MPP2: variants seen among roughly 807,000 people sequenced by gnomAD.
The protein encoded by MPP2 is MAGUK p55 subfamily member 2.
Under a neutral mutation model 58.5 loss-of-function variants are expected in MPP2, and 42 were observed. The ratio of observed to expected loss-of-function variants is 0.72; its 90% confidence interval spans 0.56 to 0.93. MPP2 has a LOEUF of 0.93. MPP2 is among the 40% of genes least tolerant of loss of function. The probability of loss-of-function intolerance (pLI) is 0.00; values close to 1 mark genes in which losing one functional copy is unlikely to be tolerated. For synonymous variants in MPP2, 300 were observed against 307.8 expected (o/e 0.97, Z 0.26); for missense variants, 632 against 760.4 (o/e 0.83, Z 1.99).
chr17:43,900,613 C>T (rs1366710655), intron 2 of MPP2: 5 of 1,477,972 alleles, frequency 3.4e-6, no homozygotes, highest in Non-Finnish European at 4.5e-6. Flanking sequence ...ACCGCCTCCC[C>T]AGCCAAAGCC....
At chr17:43,898,153 T>A in intron 3 of MPP2, 109 bp downstream of exon 3, 1 of 856,028 alleles carries the variant, frequency 1.2e-6, no homozygotes, top group African/African-American at 1.7e-5. Flanking sequence ...CAGGGGGGCC[T>A]CTTGTGCCAC....
At chr17:43,899,476 G>A (rs1389725511) in intron 2 of MPP2, among the ~76,000 whole-genome samples, 2 of 152,226 alleles carry the variant, frequency 1.3e-5, no homozygotes, top group East Asian at 3.9e-4. Flanking sequence ...CATTGTACAA[G>A]TCACTGTCCC....
chr17:43,881,496 G>A lies in MPP2; in HGVS notation c.775C>T (p.Leu259Phe), dbSNP rs1455037740. ...AGLRFNAGDL[L>F]QIVNQDDANW... ...GCATCATCCTGGTTTACGATCTGGA[G>A]CAAGTCCCCGGCGTTGAAGCGCAGG... The change falls in exon 7 of 13, where the codon CTC becomes TTC. Residue 259 changes from leucine to phenylalanine, a missense_variant. Physicochemically the swap from Leu to Phe is conservative, Grantham distance 22. Transcript: ENST00000269095. 6.2e-7 allele frequency: 1 copy of A among 1,614,040 alleles called. No homozygotes were observed. The highest frequency in any genetic ancestry group is 8.5e-7 in the Non-Finnish European group (1 of 1,180,024).
At chr17:43,888,034 T>C (rs928549374) in intron 3 of MPP2, among the ~76,000 whole-genome samples, 2 of 152,026 alleles carry the variant, frequency 1.3e-5, no homozygotes, top group African/African-American at 2.4e-5. Flanking sequence ...GTGATGGAGG[T>C]TCAGGATATA....
chr17:43,883,987 C>T, intron 3 of MPP2: 1 of 651,840 alleles, frequency 1.5e-6, no homozygotes, highest in African/African-American at 1.8e-5. Flanking sequence ...TTAGATGGGT[C>T]AGGAAGAAAA....
intron 2 of MPP2, among the ~76,000 whole-genome samples, chr17:43,903,932 T>C (rs231487): frequency 0.43 from 65,810 of 151,922 alleles, 15,005 homozygotes; most frequent in East Asian, 0.67. Flanking sequence ...CCTAACCTGG[T>C]ATTCTTGTTC....
chr17:43,902,553 G>C (rs996610766), intron 2 of MPP2, among the ~76,000 whole-genome samples: 1 of 152,214 alleles, frequency 6.6e-6, no homozygotes, highest in African/African-American at 2.4e-5. Context: ...TGATGCTGCA[G>C]AAGCTGGGGA....
chr17:43,879,128 C>CA lies in MPP2; in HGVS notation c.1482+146dup. The CA allele has an allele frequency of 1.0e-6, 1 of 989,224 alleles. No homozygotes were observed. The highest frequency in any genetic ancestry group is 1.5e-6 in the Non-Finnish European group (1 of 661,960). 61.3% of individuals were successfully genotyped at this position (989,224 alleles called of 1,614,324 possible). A position where few individuals can be genotyped will look rare whatever the true frequency, so the allele number is the denominator to read the frequency against. On this transcript the variant is annotated intron_variant, in intron 12 of 12. Transcript: ENST00000269095. The surrounding 1 kb of genome is among the most constrained non-coding windows in gnomAD (Gnocchi z 4.1). ...TCAGACCTCCCCTTCCACATCTATG[C>CA]AGGGGGGACCACGTCCTGCCTCACT...
At chr17:43,892,101 ATC>A (rs1373907716) in intron 3 of MPP2, among the ~76,000 whole-genome samples, 1 of 152,116 alleles carries the variant, frequency 6.6e-6, no homozygotes, top group East Asian at 1.9e-4. Flanking sequence ...TGGACTTCTG[ATC>A]TCTCTGCCAG....
At chr17:43,891,360 A>C (rs1353315365) in intron 3 of MPP2, among the ~76,000 whole-genome samples, 1 of 151,866 alleles carries the variant, frequency 6.6e-6, no homozygotes, top group Non-Finnish European at 1.5e-5. Flanking sequence ...TCTCTACTAA[A>C]AATACACAAA....
chr17:43,900,057 A>G (rs899870471), intron 2 of MPP2, among the ~76,000 whole-genome samples: 1 of 152,072 alleles, frequency 6.6e-6, no homozygotes, highest in Non-Finnish European at 1.5e-5. Context: ...AGTGGGGAGG[A>G]GGGGGCACTG....
Position 43,881,298 on chromosome 17 carries a change from C to G in MPP2, c.865G>C (p.Glu289Gln). 1.2e-6 allele frequency: 2 copies of G among 1,614,128 alleles called. No individual in the cohort carries two copies. The highest frequency in any genetic ancestry group is 1.7e-6 in the Non-Finnish European group (2 of 1,180,028). The change falls in exon 8 of 13, where the codon GAG becomes CAG. Residue 289 changes from glutamate to glutamine, a missense_variant. Physicochemically the swap from Glu to Gln is conservative, Grantham distance 29. Coordinates refer to ENST00000269095, the MANE Select transcript of MPP2 (RefSeq NM_005374.5). ...SAGLIPSQLL[E>Q]EKRKAFVKRD... is the part of the protein sequence containing the mutation. ...TTGACAAATGCTTTCCGCTTCTCCT[C>G]CAGCAGCTGGCTGGGAATGAGCCCA...
chr17:43,891,121 CCT>C (rs1343007211), intron 3 of MPP2, among the ~76,000 whole-genome samples: 3 of 152,140 alleles, frequency 2.0e-5, no homozygotes, highest in African/African-American at 7.2e-5. Flanking sequence ...CTTCTAGGGC[CCT>C]GTCTTGCTTT....
intron 3 of MPP2, among the ~76,000 whole-genome samples, chr17:43,897,702 C>A (rs2047907090): frequency 6.6e-6 from 1 of 152,108 alleles, no homozygotes; most frequent in South Asian, 2.1e-4. Context: ...CTTCTGTGGC[C>A]CAGAATGCCC....
rs761223680 is a variant in MPP2, at chr17:43,881,362, T to A, written c.814-13A>T. 1.9e-6 allele frequency: 3 copies of A among 1,613,430 alleles called. No homozygotes were observed. The highest frequency in any genetic ancestry group is 2.5e-6 in the Non-Finnish European group (3 of 1,179,432). On this transcript the variant is annotated splice_polypyrimidine_tract_variant and intron_variant, in intron 7 of 12. Coordinates refer to ENST00000269095, the MANE Select transcript of MPP2 (RefSeq NM_005374.5). The stretch of plus-strand genomic sequence containing the variant: ...CGACATGGCATGCCTAAAACGGACA[T>A]GAGACCAAGATCTGCCTGAGCAAGA...
At chr17:43,883,165 C>T (rs980199776) in intron 4 of MPP2, 38 bp downstream of exon 4, 4 of 1,574,234 alleles carry the variant, frequency 2.5e-6, no homozygotes, top group African/African-American at 2.7e-5. Context: ...AGTCCACCCA[C>T]CTCCTGCTCC....
At chr17:43,907,644 G>A, upstream of MPP2, 1 of 985,650 alleles carries the variant, frequency 1.0e-6, no homozygotes, top group African/African-American at 1.7e-5. Flanking sequence ...GGCACAACTC[G>A]GAGGAAGTAG....
In MPP2 at chr17:43,882,966, G is replaced by A; in HGVS notation, c.390C>T (p.Asn130=). The change falls in exon 5 of 13, where the codon AAC becomes AAT. Residue 130 remains asparagine, a synonymous_variant. Transcript: ENST00000269095. ...PSPGLDPTFS[N]QPVPPDAVRM... ...GCACAGCATCGGGAGGTACAGGCTG[G>A]TTGCTGAATGTAGGGTCCAGGCCAG... The A allele has an allele frequency of 6.2e-7, 1 of 1,614,164 alleles. No homozygotes were observed. The highest frequency in any genetic ancestry group is 1.1e-5 in the South Asian group (1 of 91,084).
At chr17:43,900,491 T>C in intron 2 of MPP2, 1 of 1,548,772 alleles carries the variant, frequency 6.5e-7, no homozygotes, top group Non-Finnish European at 8.7e-7. Flanking sequence ...GAGCTCCGCT[T>C]CCTCAGAAGA....
Sources: allele counts gnomAD v4.1 joint callset (sites outside exome capture counted in the v4.1 genomes callset), GRCh38; gene constraint gnomAD v4.1.1; non-coding constraint Gnocchi (gnomAD v3.1); transcripts MANE v1.5; gene names NCBI Gene and HGNC (gene_info 2026-07-23, HGNC 2026-07-21).